AUTS2: variants seen among roughly 807,000 people sequenced by gnomAD.
AUTS2 encodes the protein activator of transcription and developmental regulator AUTS2.
AUTS2 carries 17 observed loss-of-function variants against 112.4 expected under a neutral mutation model. The observed-to-expected ratio is 0.15, with a 90% CI of 0.10 to 0.23. AUTS2 has a LOEUF of 0.23. Ranked by LOEUF, AUTS2 falls within the 10% of genes least tolerant of loss-of-function variation. The pLI is 1.00. For synonymous variants in AUTS2, 751 were observed against 702.7 expected (o/e 1.07, Z -1.09); for missense variants, 1,510 against 1,701.6 (o/e 0.89, Z 1.98).
intron 5 of AUTS2, among the ~76,000 whole-genome samples, chr7:70,579,906 A>C (rs1278741157): frequency 6.6e-6 from 1 of 152,202 alleles, no homozygotes; most frequent in Non-Finnish European, 1.5e-5. Context: ...CATGATTCAT[A>C]ATCAGTCTGG....
At chr7:70,290,605 C>T in intron 4 of AUTS2, 1 of 1,430,628 alleles carries the variant, frequency 7.0e-7, no homozygotes, top group Non-Finnish European at 9.1e-7. Context: ...AGAAATTAAA[C>T]ACTTCCCTCC....
chr7:69,993,483 G>A (rs865972142), intron 2 of AUTS2, among the ~76,000 whole-genome samples: 39 of 152,276 alleles, frequency 2.6e-4, no homozygotes, highest in African/African-American at 8.9e-4. Flanking sequence ...AGGCACAGTG[G>A]CTCATAATTC....
chr7:69,901,188 T>C (rs1794954916), intron 2 of AUTS2, among the ~76,000 whole-genome samples: 1 of 152,128 alleles, frequency 6.6e-6, no homozygotes, highest in African/African-American at 2.4e-5. Context: ...GTTCCTGTGG[T>C]ATTTGTGACT....
At chr7:70,483,966 G>A (rs1027174223) in intron 5 of AUTS2, among the ~76,000 whole-genome samples, 11 of 152,264 alleles carry the variant, frequency 7.2e-5, no homozygotes, top group African/African-American at 2.4e-4. Flanking sequence ...GGGAAAGAAA[G>A]GCTTGATTGT....
intron 4 of AUTS2, among the ~76,000 whole-genome samples, chr7:70,219,006 GTAT>G (rs1463840718): frequency 6.6e-6 from 1 of 152,066 alleles, no homozygotes; most frequent in Non-Finnish European, 1.5e-5. Flanking sequence ...TTTGTTCTGC[GTAT>G]TATTTTTAAC....
At chr7:70,607,756 T>C (rs538668094) in intron 5 of AUTS2, among the ~76,000 whole-genome samples, 4 of 152,322 alleles carry the variant, frequency 2.6e-5, no homozygotes, top group African/African-American at 9.6e-5. Context: ...AAAAGAACCA[T>C]TTCCTTCCAC....
intron 5 of AUTS2, among the ~76,000 whole-genome samples, chr7:70,439,294 C>G (rs1318562078): frequency 6.6e-6 from 1 of 152,132 alleles, no homozygotes; most frequent in Non-Finnish European, 1.5e-5. Context: ...AATCCCAACA[C>G]TTTGGGAGGC....
intron 5 of AUTS2, among the ~76,000 whole-genome samples, chr7:70,670,780 CA>C (rs1807595315): frequency 6.6e-6 from 1 of 152,174 alleles, no homozygotes; most frequent in Non-Finnish European, 1.5e-5. Flanking sequence ...CCTCTTTACC[CA>C]GTGCCCCCGC....
chr7:70,011,656 G>A (rs1041391497), intron 2 of AUTS2, among the ~76,000 whole-genome samples: 5 of 152,182 alleles, frequency 3.3e-5, no homozygotes, highest in African/African-American at 1.2e-4. Context: ...GGCAGCATGA[G>A]TCTTTTGGAC....
At chr7:69,888,121 G>A (rs1376049485) in intron 1 of AUTS2, among the ~76,000 whole-genome samples, 2 of 151,910 alleles carry the variant, frequency 1.3e-5, no homozygotes, top group Non-Finnish European at 1.5e-5. Context: ...ACCAACCTGA[G>A]AAACATAGCA....
At chr7:70,429,354 T>C (rs889422383) in intron 4 of AUTS2, among the ~76,000 whole-genome samples, 7 of 152,228 alleles carry the variant, frequency 4.6e-5, no homozygotes, top group African/African-American at 1.4e-4. Flanking sequence ...ACAACGGCAG[T>C]ACAGTTTTGT....
rs144991117 is a variant in AUTS2 at position 69,751,190 on chromosome 7, A to G, written c.310-148096A>G. 7.5e-4 allele frequency among the ~76,000 whole-genome samples: 114 copies of G among 152,254 alleles called. 1 individual carries two copies. The highest frequency in any genetic ancestry group is 2.6e-3 in the African/African-American group (107 of 41,558). ...AAACATTTCCCTGAGCCTTTCATAA[A>G]TTATCTTAATGTGCATATTGTTGAG... is the stretch of plus-strand genomic sequence containing the variant. On this transcript the variant is annotated intron_variant, in intron 1 of 18. Transcript: ENST00000342771.
intron 1 of AUTS2, among the ~76,000 whole-genome samples, chr7:69,614,318 T>TTCTC (rs1793209083): frequency 2.0e-5 from 1 of 50,972 alleles, no homozygotes; most frequent in Non-Finnish European, 4.4e-5. Context: ...CTCCGTCTCT[T>TTCTC]TCTTTCTTTC....
At chr7:69,748,336 T>A in intron 1 of AUTS2, among the ~76,000 whole-genome samples, 1 of 152,294 alleles carries the variant, frequency 6.6e-6, no homozygotes. Flanking sequence ...GGTAGCCTGG[T>A]GGTTTGGAAA....
At chr7:70,279,882 A>G (rs1788122724) in intron 4 of AUTS2, among the ~76,000 whole-genome samples, 1 of 152,210 alleles carries the variant, frequency 6.6e-6, no homozygotes, top group Non-Finnish European at 1.5e-5. Context: ...TCACAAAAAT[A>G]TATTTGTCTA....
intron 5 of AUTS2, among the ~76,000 whole-genome samples, chr7:70,646,819 G>A (rs2129541291): frequency 6.6e-6 from 1 of 152,362 alleles, no homozygotes; most frequent in African/African-American, 2.4e-5. Flanking sequence ...TGGCCCAGAA[G>A]CTGGGGCCAG....
At chr7:69,934,565 CATA>C (rs1457332725) in intron 2 of AUTS2, among the ~76,000 whole-genome samples, 1 of 152,184 alleles carries the variant, frequency 6.6e-6, no homozygotes, top group African/African-American at 2.4e-5. Flanking sequence ...ATGCACCAGA[CATA>C]ATGAGAGTCA....
intron 5 of AUTS2, among the ~76,000 whole-genome samples, chr7:70,469,588 C>CT (rs1433978749): frequency 6.6e-6 from 1 of 152,088 alleles, no homozygotes; most frequent in South Asian, 2.1e-4. Context: ...CCACTGGAAG[C>CT]TTTTTTGATA....
intron 1 of AUTS2, among the ~76,000 whole-genome samples, chr7:69,679,886 T>A (rs929834301): frequency 7.9e-5 from 12 of 151,906 alleles, no homozygotes; most frequent in East Asian, 5.8e-4. Context: ...TTTGAGAAAA[T>A]TTTTTTTTAA....
Sources: gnomAD v4.1 joint callset for allele counts (sites outside exome capture counted in the v4.1 genomes callset) on GRCh38, gnomAD v4.1.1 for gene constraint, MANE v1.5 for transcripts, NCBI Gene and HGNC (gene_info 2026-07-23, HGNC 2026-07-21) for gene names.